The following SCHIP1 variants were observed in gnomAD, a reference collection of about 807,000 sequenced individuals.
The protein encoded by SCHIP1 is schwannomin-interacting protein 1.
SCHIP1 carries 8 observed loss-of-function variants against 29.7 expected under a neutral mutation model. That is an observed-to-expected ratio of 0.27 (90% CI 0.16 to 0.49). The LOEUF is 0.49. SCHIP1 is among the 20% of genes least tolerant of loss of function. The probability of loss-of-function intolerance (pLI) is 0.99; values close to 1 mark genes in which losing one functional copy is unlikely to be tolerated. For missense variants in SCHIP1, 193 were observed against 294.6 expected (o/e 0.66, Z 2.52); for synonymous variants, 76 against 94.9 (o/e 0.80, Z 1.16).
the SCHIP1 span, among the ~76,000 whole-genome samples, chr3:159,551,869 C>T: frequency 3.3e-5 from 5 of 151,846 alleles, no homozygotes; most frequent in Admixed American, 3.3e-4. Context: ...TAAGTTATCC[C>T]CAGTTGATGT....
At chr3:159,445,756 C>G in the SCHIP1 span, among the ~76,000 whole-genome samples, 1 of 151,494 alleles carries the variant, frequency 6.6e-6, no homozygotes, top group Non-Finnish European at 1.5e-5. Context: ...AATCATCATT[C>G]TCAGTAAACT....
the SCHIP1 span, among the ~76,000 whole-genome samples, chr3:159,283,570 C>T: frequency 3.1e-3 from 476 of 151,632 alleles, 9 homozygotes; most frequent in Non-Finnish European, 1.1e-3. Flanking sequence ...AGTGCAATGG[C>T]GCGCGATCTT....
At chr3:159,762,659 T>G in the SCHIP1 span, among the ~76,000 whole-genome samples, 1 of 152,194 alleles carries the variant, frequency 6.6e-6, no homozygotes, top group Non-Finnish European at 1.5e-5. Context: ...AGTTTCCCAG[T>G]TCTTACAGGT....
At chr3:159,834,310 A>G in the SCHIP1 span, among the ~76,000 whole-genome samples, 6 of 152,248 alleles carry the variant, frequency 3.9e-5, no homozygotes, top group Non-Finnish European at 7.3e-5. Context: ...AATGAACAAG[A>G]TTGTTGCAGT....
chr3:159,840,357 A>AT, intron 1 of SCHIP1: 2 of 722,336 alleles, frequency 2.8e-6, no homozygotes, highest in Non-Finnish European at 2.4e-6. Context: ...CAGTATCTGA[A>AT]TTGTAATTAG....
At chr3:159,689,686 G>A in the SCHIP1 span, among the ~76,000 whole-genome samples, 1 of 152,336 alleles carries the variant, frequency 6.6e-6, no homozygotes, top group Admixed American at 6.5e-5. Flanking sequence ...AGTTTTCAAA[G>A]AGAATGCTTC....
chr3:159,373,652 GTTCA>G, the SCHIP1 span, among the ~76,000 whole-genome samples: 1 of 152,052 alleles, frequency 6.6e-6, no homozygotes, highest in Non-Finnish European at 1.5e-5. Flanking sequence ...TAAATGAGAA[GTTCA>G]TTCAGTATTT....
chr3:159,407,929 A>T, the SCHIP1 span, among the ~76,000 whole-genome samples: 1 of 152,188 alleles, frequency 6.6e-6, no homozygotes, highest in Non-Finnish European at 1.5e-5. Context: ...ATCAAAGAAG[A>T]AGAAAAACTT....
At chr3:159,672,802 C>T in the SCHIP1 span, among the ~76,000 whole-genome samples, 1 of 152,198 alleles carries the variant, frequency 6.6e-6, no homozygotes, top group Admixed American at 6.5e-5. Context: ...GAAGAAATAG[C>T]ATCCTACTTG....
At chr3:159,341,390 CTCTT>C in the SCHIP1 span, among the ~76,000 whole-genome samples, 1 of 152,266 alleles carries the variant, frequency 6.6e-6, no homozygotes, top group East Asian at 1.9e-4. Flanking sequence ...TAAAGAAAAA[CTCTT>C]TCTCAGCTTT....
chr3:159,277,364 A>T, the SCHIP1 span, among the ~76,000 whole-genome samples: 2 of 152,226 alleles, frequency 1.3e-5, no homozygotes, highest in African/African-American at 4.8e-5. Flanking sequence ...GCCTTAGTGC[A>T]ATTCATACAA....
the SCHIP1 span, among the ~76,000 whole-genome samples, chr3:159,584,416 G>T: frequency 2.0e-5 from 3 of 152,152 alleles, no homozygotes; most frequent in African/African-American, 7.2e-5. Context: ...ATTTGTGTTT[G>T]TAACAAAGTA....
At chr3:159,588,012 T>C in the SCHIP1 span, among the ~76,000 whole-genome samples, 1 of 152,220 alleles carries the variant, frequency 6.6e-6, no homozygotes, top group Non-Finnish European at 1.5e-5. Context: ...TCAAATGGTA[T>C]TTCTAGTTCT....
chr3:159,758,342 G>T, the SCHIP1 span, among the ~76,000 whole-genome samples: 13 of 152,034 alleles, frequency 8.6e-5, no homozygotes, highest in African/African-American at 3.1e-4. Flanking sequence ...TAGTAGAGGC[G>T]GTGTTTCACT....
At chr3:159,298,566 A>G in the SCHIP1 span, among the ~76,000 whole-genome samples, 6 of 152,280 alleles carry the variant, frequency 3.9e-5, no homozygotes, top group Admixed American at 1.3e-4. Flanking sequence ...AGGGCCCTGT[A>G]AGTTAGATGC....
chr3:159,448,340 G>A, the SCHIP1 span, among the ~76,000 whole-genome samples: 10 of 152,064 alleles, frequency 6.6e-5, no homozygotes, highest in African/African-American at 2.4e-4. Flanking sequence ...GTGTGGTGGT[G>A]CACGCCTGTA....
At chr3:159,537,075 C>A in the SCHIP1 span, among the ~76,000 whole-genome samples, 1 of 152,094 alleles carries the variant, frequency 6.6e-6, no homozygotes, top group Non-Finnish European at 1.5e-5. Context: ...TAAACATTTA[C>A]CAGAATACCA....
At chr3:159,492,861 G>A in the SCHIP1 span, among the ~76,000 whole-genome samples, 1 of 152,120 alleles carries the variant, frequency 6.6e-6, no homozygotes, top group South Asian at 2.1e-4. Context: ...GAAAGGTCGG[G>A]TTACCCACAA....
chr3:159,680,295 G>A, the SCHIP1 span, among the ~76,000 whole-genome samples: 427 of 151,468 alleles, frequency 2.8e-3, 1 homozygote, highest in Middle Eastern at 0.02. Context: ...CGGATCACGA[G>A]GTCAAGAGAT....
Sources: allele counts gnomAD v4.1 joint callset (sites outside exome capture counted in the v4.1 genomes callset), GRCh38; gene constraint gnomAD v4.1.1; transcripts MANE v1.5; gene names NCBI Gene and HGNC (gene_info 2026-07-23, HGNC 2026-07-21).